Variants in WWOX observed in about 807,000 individuals in gnomAD.
The protein encoded by WWOX is WW domain-containing oxidoreductase.
In WWOX, 69 loss-of-function variants were observed where a neutral mutation model predicts 46.2. The ratio of observed to expected loss-of-function variants is 1.49; its 90% CI spans 1.23 to 1.82. The LOEUF (loss-of-function observed/expected upper bound fraction) is 1.82. Among genes scored for constraint, WWOX ranks in the 40% most tolerant of loss-of-function variants. The probability of loss-of-function intolerance (pLI) is 0.00; values close to 1 mark genes in which losing one functional copy is unlikely to be tolerated. For missense variants in WWOX, 919 were observed against 542.6 expected (o/e 1.69, Z -6.89); for synonymous variants, 359 against 202.6 (o/e 1.77, Z -6.56).
At chr16:78,354,731 C>T (rs67848536) in intron 5 of WWOX, among the ~76,000 whole-genome samples, 11,231 of 151,980 alleles carry the variant, frequency 0.074, 471 homozygotes, top group East Asian at 0.097. Context: ...ATTATGTTCT[C>T]TCATTCTGTT....
At chr16:78,163,436 C>A (rs1312495483) in intron 4 of WWOX, among the ~76,000 whole-genome samples, 1 of 152,188 alleles carries the variant, frequency 6.6e-6, no homozygotes, top group Non-Finnish European at 1.5e-5. Context: ...GGGTCCTGAG[C>A]TCAAATTTAT....
intron 8 of WWOX, among the ~76,000 whole-genome samples, chr16:79,081,188 A>G (rs1032925314): frequency 9.2e-5 from 14 of 152,116 alleles, no homozygotes; most frequent in African/African-American, 3.4e-4. Context: ...TCTTGAGACA[A>G]AGTCTTGATC....
chr16:78,916,623 C>T (rs773963407), intron 8 of WWOX, among the ~76,000 whole-genome samples: 2 of 152,122 alleles, frequency 1.3e-5, no homozygotes, highest in African/African-American at 4.8e-5. Context: ...TGGGATTGGC[C>T]TAGACGAGCA....
rs1013658486 is a variant in WWOX at position 78,350,808 on chromosome 16, T to G, written c.517-36052T>G. 2.4e-4 allele frequency among the ~76,000 whole-genome samples: 29 copies of G among 120,578 alleles called. 9 individuals carry two copies. The highest frequency in any genetic ancestry group is 8.2e-4 in the African/African-American group (29 of 35,516). The allele number at this position is 120,578 out of a possible 152,430, so 79.1% of individuals were successfully genotyped here. On this transcript the variant is annotated intron_variant, in intron 5 of 8. Transcript: ENST00000566780. ...ATATAGGTTTACCTTTTTTGGGGTATGCTCCTAAGAGTGCAATTTCTGGAT... is the reference window on the plus strand; with the variant it reads ...ATATAGGTTTACCTTTTTTGGGGTAGGCTCCTAAGAGTGCAATTTCTGGAT...
At chr16:78,145,111 A>C (rs2034153607) in intron 4 of WWOX, among the ~76,000 whole-genome samples, 1 of 152,176 alleles carries the variant, frequency 6.6e-6, no homozygotes, top group Non-Finnish European at 1.5e-5. Context: ...GGTTGAAGTC[A>C]AGGTGTTGGC....
intron 5 of WWOX, among the ~76,000 whole-genome samples, chr16:78,324,209 G>T (rs1009325980): frequency 6.6e-6 from 1 of 152,120 alleles, no homozygotes; most frequent in African/African-American, 2.4e-5. Context: ...TCTGTTGGCA[G>T]TGAGGTGGTG....
At chr16:78,641,028 T>C (rs1043711022) in intron 8 of WWOX, among the ~76,000 whole-genome samples, 1 of 151,168 alleles carries the variant, frequency 6.6e-6, no homozygotes, top group Non-Finnish European at 1.5e-5. Context: ...GCTGCAAAAA[T>C]TGTCCTAACT....
At chr16:79,129,226 C>G (rs62038853) in intron 8 of WWOX, among the ~76,000 whole-genome samples, 21,508 of 151,226 alleles carry the variant, frequency 0.14, 1,603 homozygotes, top group African/African-American at 0.18. Context: ...CCATCAGGGC[C>G]TAGGATTGGA....
chr16:79,134,612 C>T (rs1290803190), intron 8 of WWOX, among the ~76,000 whole-genome samples: 1 of 152,190 alleles, frequency 6.6e-6, no homozygotes, highest in African/African-American at 2.4e-5. Context: ...CACATACAGA[C>T]ACCCACACCC....
At chr16:78,590,381 A>AAG (rs1294318933) in intron 8 of WWOX, among the ~76,000 whole-genome samples, 1 of 152,144 alleles carries the variant, frequency 6.6e-6, no homozygotes, top group Non-Finnish European at 1.5e-5. Flanking sequence ...AGTATTAAGG[A>AAG]AGACAGATCC....
intron 8 of WWOX, among the ~76,000 whole-genome samples, chr16:78,656,222 C>G (rs1031080385): frequency 6.6e-6 from 1 of 152,084 alleles, no homozygotes; most frequent in Admixed American, 6.6e-5. Context: ...CCTCTCTGTG[C>G]CTCAGTCTCC....
chr16:78,922,927 T>G (rs932495660), intron 8 of WWOX, among the ~76,000 whole-genome samples: 7 of 152,062 alleles, frequency 4.6e-5, no homozygotes, highest in Non-Finnish European at 8.8e-5. Flanking sequence ...TGCCTAGAAA[T>G]CTAACATCTT....
intron 5 of WWOX, among the ~76,000 whole-genome samples, chr16:78,326,934 G>C (rs1469234504): frequency 1.3e-5 from 2 of 152,086 alleles, no homozygotes; most frequent in African/African-American, 2.4e-5. Context: ...CACATAAAAT[G>C]TTTACTTTGC....
intron 5 of WWOX, among the ~76,000 whole-genome samples, chr16:78,244,436 T>C (rs1322399269): frequency 2.0e-5 from 3 of 152,214 alleles, no homozygotes; most frequent in African/African-American, 7.2e-5. Flanking sequence ...TGGCAAAAGA[T>C]CTAAGCTGTG....
intron 4 of WWOX, among the ~76,000 whole-genome samples, chr16:78,117,139 G>T (rs1360760340): frequency 6.6e-6 from 1 of 152,178 alleles, no homozygotes; most frequent in Non-Finnish European, 1.5e-5. Context: ...AACTCTTTGT[G>T]CCTCTTCACA....
At chr16:78,735,608 C>G (rs1371676043) in intron 8 of WWOX, among the ~76,000 whole-genome samples, 1 of 152,240 alleles carries the variant, frequency 6.6e-6, no homozygotes, top group Non-Finnish European at 1.5e-5. Flanking sequence ...AGGCATGGGC[C>G]TGCCCTGTAC....
At chr16:79,032,523 C>T (rs1244604371) in intron 8 of WWOX, among the ~76,000 whole-genome samples, 1 of 147,420 alleles carries the variant, frequency 6.8e-6, no homozygotes, top group Non-Finnish European at 1.5e-5. Flanking sequence ...AATATATATA[C>T]ACAATAGTCT....
chr16:78,524,715 A>G (rs541807231), intron 8 of WWOX, among the ~76,000 whole-genome samples: 1 of 151,856 alleles, frequency 6.6e-6, no homozygotes, highest in South Asian at 2.1e-4. Flanking sequence ...CACCGCGCCC[A>G]GCCTGTATTT....
chr16:78,372,349 A>G (rs2081711582), intron 5 of WWOX, among the ~76,000 whole-genome samples: 1 of 152,200 alleles, frequency 6.6e-6, no homozygotes, highest in Non-Finnish European at 1.5e-5. Context: ...AAGGCAGCCC[A>G]TTCATGCCGT....
Sources: gnomAD v4.1 joint callset for allele counts (sites outside exome capture counted in the v4.1 genomes callset) on GRCh38, gnomAD v4.1.1 for gene constraint, MANE v1.5 for transcripts, NCBI Gene and HGNC (gene_info 2026-07-23, HGNC 2026-07-21) for gene names.